Variants in ZNF700 observed in about 807,000 individuals in gnomAD.
ZNF700 encodes zinc finger protein 700.
ZNF700 carries 38 observed loss-of-function variants against 65.3 expected under a neutral mutation model. That is an observed-to-expected ratio of 0.58 (90% CI 0.45 to 0.76). The LOEUF is 0.76. ZNF700 is among the 30% of genes least tolerant of loss of function. The pLI is 0.00. For synonymous variants in ZNF700, 285 were observed against 290.4 expected (o/e 0.98, Z 0.19); for missense variants, 857 against 888.4 (o/e 0.96, Z 0.45).
At chr19:11,935,081 C>G (rs527710280) in intron 1 of ZNF700, among the ~76,000 whole-genome samples, 3 of 140,632 alleles carry the variant, frequency 2.1e-5, no homozygotes, top group African/African-American at 8.8e-5. Flanking sequence ...GAGGCTGAGG[C>G]AGGAGAATGG....
intron 1 of ZNF700, among the ~76,000 whole-genome samples, chr19:11,941,428 C>T (rs892432364): frequency 3.3e-5 from 5 of 152,310 alleles, no homozygotes; most frequent in Admixed American, 6.5e-5. Context: ...CTGCAGGTCC[C>T]GAGCCCTGCC....
rs7251110 is a variant in ZNF700 at position 11,927,411 on chromosome 19, C to T, written c.63+2138C>T. Among the ~76,000 whole-genome samples the T allele has an allele frequency of 6.3e-3, 910 of 144,176 alleles. 9 individuals carry two copies. The highest frequency in any genetic ancestry group is 0.024 in the African/African-American group (891 of 37,526). 94.6% of individuals were successfully genotyped at this position (144,176 alleles called of 152,430 possible). On this transcript the variant is annotated intron_variant, in intron 1 of 3. Coordinates refer to ENST00000254321, the MANE Select transcript of ZNF700 (RefSeq NM_144566.3). ...ACCAACCTGGCCAACACAGCGAGAC[C>T]CTGTCTCTATTTAAATAAATAAATA...
intron 1 of ZNF700, among the ~76,000 whole-genome samples, chr19:11,945,343 A>G (rs75601766): frequency 1.3e-5 from 2 of 152,298 alleles, no homozygotes; most frequent in African/African-American, 2.4e-5. Flanking sequence ...TTAGGTTGCA[A>G]TAGGCTGCAG....
In ZNF700 at chr19:11,948,855, C is replaced by G. The variant is rs139212502; in HGVS notation, c.831C>G (p.Pro277=). 3.7e-6 allele frequency: 6 copies of G among 1,606,550 alleles called. No individual in the cohort carries two copies. The African/African-American group carries it at 8.1e-5, about 22-fold the overall frequency. ...IHERTHTGEK[P]YECSKCDKAF... ...AAAGAACTCACACTGGGGAGAAGCC[C>G]TATGAATGTAGCAAATGTGATAAAG... is the stretch of plus-strand genomic sequence containing the variant. Residue 277 remains proline (P), a synonymous_variant, in exon 4 of 4, where the codon CCC becomes CCG. Transcript: ENST00000254321.
At position 11,934,806 on chromosome 19, in the gene ZNF700, G is replaced by A. The variant is rs1009057443; in HGVS notation, c.63+9533G>A. On this transcript the variant is annotated intron_variant, in intron 1 of 3. Coordinates refer to ENST00000254321, the MANE Select transcript of ZNF700 (RefSeq NM_144566.3). ...CTTCCCAATGTGCTGGATTACAGGCGTGAGCCACTGCGCCCGGCCTGTTTT... is the reference window on the plus strand; with the variant it reads ...CTTCCCAATGTGCTGGATTACAGGCATGAGCCACTGCGCCCGGCCTGTTTT... Among the ~76,000 whole-genome samples the A allele has an allele frequency of 2.7e-5, 4 of 147,840 alleles. 1 individual carries two copies. The highest frequency in any genetic ancestry group is 8.0e-5 in the African/African-American group (3 of 37,704).
At chr19:11,938,994 C>T (rs1434470582) in intron 1 of ZNF700, among the ~76,000 whole-genome samples, 4 of 151,866 alleles carry the variant, frequency 2.6e-5, no homozygotes, top group African/African-American at 4.8e-5. Flanking sequence ...GAGCATTTTT[C>T]CATGTGTCTG....
rs531952967 is a variant in ZNF700 at position 11,932,665 on chromosome 19, T to TA, written c.63+7392_63+7393insA. Among the ~76,000 whole-genome samples, 61 of 136,174 alleles carry TA rather than the reference T, an allele frequency of 4.5e-4. 1 individual carries two copies. The South Asian group carries it at 8.6e-3, about 19-fold the overall frequency. 89.3% of individuals were successfully genotyped at this position (136,174 alleles called of 152,430 possible). On this transcript the variant is annotated intron_variant, in intron 1 of 3. Coordinates refer to ENST00000254321, the MANE Select transcript of ZNF700 (RefSeq NM_144566.3). ...TTTTTTTTTTTTTTTTGAGACAGAGTCTTGCCCTGTCGCCCAGGCTGGAGT... is the reference window on the plus strand; with the variant it reads ...TTTTTTTTTTTTTTTTGAGACAGAGTACTTGCCCTGTCGCCCAGGCTGGAGT...
At chr19:11,941,684 C>A (rs894821714) in intron 1 of ZNF700, among the ~76,000 whole-genome samples, 9 of 152,200 alleles carry the variant, frequency 5.9e-5, no homozygotes, top group Non-Finnish European at 1.0e-4. Context: ...CTCCCTCCAC[C>A]CCTCCCTGCA....
At chr19:11,935,362 G>C (rs1270702157) in intron 1 of ZNF700, among the ~76,000 whole-genome samples, 1 of 149,666 alleles carries the variant, frequency 6.7e-6, no homozygotes, top group Non-Finnish European at 1.5e-5. Context: ...TCAGCCTCCA[G>C]AGTAGGTGGG....
rs751709956 is a variant in ZNF700 at position 11,925,196 on chromosome 19, T to C, written c.-15T>C. 2 of 1,611,848 alleles carry C rather than the reference T, an allele frequency of 1.2e-6. No individual in the cohort carries two copies. Among genetic ancestry groups the C allele is most frequent in the Non-Finnish European group, 1.7e-6 (2 of 1,178,522 alleles). On this transcript the variant is annotated 5_prime_UTR_variant, in exon 1 of 4. Coordinates refer to ENST00000254321, the MANE Select transcript of ZNF700 (RefSeq NM_144566.3). ...GTGCCTGTACCCAGGCTTCTGTCGC[T>C]CTGTCGCCTGCGCTATGCCCTGCTG...
chr19:11,940,913 T>C (rs1972872058), intron 1 of ZNF700, among the ~76,000 whole-genome samples: 1 of 151,634 alleles, frequency 6.6e-6, no homozygotes, highest in Non-Finnish European at 1.5e-5. Flanking sequence ...AGAGTGTCGA[T>C]TGGTGCATTC....
intron 1 of ZNF700, among the ~76,000 whole-genome samples, chr19:11,941,975 T>G (rs553550325): frequency 0.032 from 2 of 62 alleles, no homozygotes; most frequent in African/African-American, 0.1. Context: ...GAATCTGTGC[T>G]TATTACACCT....
chr19:11,942,476 G>A (rs537094731), intron 1 of ZNF700, among the ~76,000 whole-genome samples: 33 of 152,222 alleles, frequency 2.2e-4, no homozygotes, highest in Non-Finnish European at 3.2e-4. Flanking sequence ...AGGACAAGCC[G>A]CAGACAAAAC....
intron 1 of ZNF700, among the ~76,000 whole-genome samples, chr19:11,936,554 G>A (rs112486152): frequency 0.041 from 6,243 of 152,106 alleles, 285 homozygotes; most frequent in African/African-American, 0.11. Context: ...TTTCTTGTAA[G>A]TTTGTTTGAG....
At chr19:11,937,280 T>G (rs1599285119) in intron 1 of ZNF700, among the ~76,000 whole-genome samples, 1 of 152,132 alleles carries the variant, frequency 6.6e-6, no homozygotes, top group East Asian at 1.9e-4. Flanking sequence ...ATCTAATTCA[T>G]TTCTTTGCAT....
In ZNF700 at chr19:11,950,476, T is replaced by G. The variant is rs375644872; in HGVS notation, c.*223T>G. The stretch of plus-strand genomic sequence containing the variant: ...TCACACGGGAGAGAAACCCTATGAG[T>G]GTATTCTAGTTCCGTTTGATATCAT... On this transcript the variant is annotated 3_prime_UTR_variant, in exon 4 of 4. Transcript: ENST00000254321. 20 of 677,670 alleles carry G rather than the reference T, an allele frequency of 3.0e-5. No individual in the cohort carries two copies. In the East Asian group the frequency reaches 4.8e-4, roughly 16 times the overall value. 42.0% of individuals were successfully genotyped at this position (677,670 alleles called of 1,614,324 possible).
In ZNF700 at chr19:11,925,304, G is replaced by T. The variant is rs1390776025; in HGVS notation, c.63+31G>T. Reference sequence around the variant, plus strand: ...TGTGCGGGACCAGATGTCGTGAGACGGGGGAGGGGCTGCCTGGAACAGGCG... The same window carrying T: ...TGTGCGGGACCAGATGTCGTGAGACTGGGGAGGGGCTGCCTGGAACAGGCG... On this transcript the variant is annotated intron_variant, in intron 1 of 3. Coordinates refer to ENST00000254321, the MANE Select transcript of ZNF700 (RefSeq NM_144566.3). 4.4e-6 allele frequency: 7 copies of T among 1,607,946 alleles called. No individual in the cohort carries two copies. In the Admixed American group the frequency reaches 6.7e-5, roughly 15 times the overall value.
Position 11,940,332 on chromosome 19 carries a change from C to T in ZNF700, c.64-6849C>T, listed in dbSNP as rs548631428. On this transcript the variant is annotated intron_variant, in intron 1 of 3. Coordinates refer to ENST00000254321, the MANE Select transcript of ZNF700 (RefSeq NM_144566.3). ...TCAAAAATGAAGCCGTGGACCCTTGCGGTGAGTGTTACAGCTCTTAAGGTG... is the reference window on the plus strand; with the variant it reads ...TCAAAAATGAAGCCGTGGACCCTTGTGGTGAGTGTTACAGCTCTTAAGGTG... Among the ~76,000 whole-genome samples the T allele has an allele frequency of 7.0e-4, 106 of 152,208 alleles. No individual in the cohort carries two copies. In the Middle Eastern group the frequency reaches 0.017, roughly 24 times the overall value.
At chr19:11,948,098 A>C (rs923573143) in intron 3 of ZNF700, among the ~76,000 whole-genome samples, 178 bp from the exon 4 acceptor site, 1 of 152,192 alleles carries the variant, frequency 6.6e-6, no homozygotes, top group African/African-American at 2.4e-5. Context: ...ATTTTTTTAA[A>C]CAATAGGTAT....
Sources: gnomAD v4.1 joint callset for allele counts (sites outside exome capture counted in the v4.1 genomes callset) on GRCh38, gnomAD v4.1.1 for gene constraint, MANE v1.5 for transcripts, NCBI Gene and HGNC (gene_info 2026-07-23, HGNC 2026-07-21) for gene names.